CLYBL: variants seen among roughly 807,000 people sequenced by gnomAD.
CLYBL encodes citramalyl-CoA lyase, mitochondrial.
A neutral mutation model predicts 38.9 loss-of-function variants in CLYBL; 31 were observed. The observed-to-expected ratio is 0.80, with a 90% confidence interval of 0.60 to 1.08. CLYBL has a LOEUF of 1.08. Among genes scored for constraint, CLYBL ranks in the 50% least tolerant of loss-of-function variants. The probability of loss-of-function intolerance (pLI) is 0.00; values close to 1 mark genes in which losing one functional copy is unlikely to be tolerated. For missense variants in CLYBL, 434 were observed against 411.6 expected, an observed-to-expected ratio of 1.05 and a Z score of -0.47; for synonymous variants, 171 against 158.6, an observed-to-expected ratio of 1.08 and a Z score of -0.59.
At chr13:99,608,993 T>C (rs1257952507) in intron 1 of CLYBL, among the ~76,000 whole-genome samples, 1 of 151,256 alleles carries the variant, frequency 6.6e-6, no homozygotes, top group East Asian at 1.9e-4. Context: ...ACATCAAATT[T>C]GGGAAGTTTT....
chr13:99,794,581 T>TTTTTTATTATTATTATTATTATTA (rs1555308131), intron 2 of CLYBL, among the ~76,000 whole-genome samples: 2 of 143,842 alleles, frequency 1.4e-5, no homozygotes, highest in Non-Finnish European at 3.0e-5. Context: ...TATATTTTCA[T>TTTTTTATTATTATTATTATTATTA]TTATTATTAT....
chr13:99,816,144 A>G (rs901758293), intron 2 of CLYBL, among the ~76,000 whole-genome samples: 4 of 152,242 alleles, frequency 2.6e-5, no homozygotes, highest in African/African-American at 9.6e-5. Flanking sequence ...TTTCTTTTTC[A>G]CATTGTCCAG....
chr13:99,791,748 A>G (rs1052639878), intron 2 of CLYBL, among the ~76,000 whole-genome samples: 2 of 152,318 alleles, frequency 1.3e-5, no homozygotes, highest in Middle Eastern at 3.4e-3. Context: ...ATAAATAGCC[A>G]TTGTCTTAAC....
intron 1 of CLYBL, among the ~76,000 whole-genome samples, chr13:99,681,754 T>C (rs2047737701): frequency 6.6e-6 from 1 of 152,000 alleles, no homozygotes; most frequent in Non-Finnish European, 1.5e-5. Flanking sequence ...GCCTGGTTAC[T>C]TTTTGTATTT....
intron 2 of CLYBL, among the ~76,000 whole-genome samples, chr13:99,776,185 A>AAAG (rs1555304895): frequency 3.5e-5 from 5 of 143,186 alleles, no homozygotes; most frequent in African/African-American, 1.3e-4. Flanking sequence ...ACCAAAAAAC[A>AAAG]AATAATAATA....
At chr13:99,859,902 C>T (rs1192660908) in intron 3 of CLYBL, among the ~76,000 whole-genome samples, 1 of 151,942 alleles carries the variant, frequency 6.6e-6, no homozygotes, top group African/African-American at 2.4e-5. Flanking sequence ...AAACTGGAAG[C>T]GTTTGTGGTC....
intron 2 of CLYBL, among the ~76,000 whole-genome samples, chr13:99,822,503 T>A (rs957734416): frequency 2.0e-5 from 3 of 152,232 alleles, no homozygotes; most frequent in African/African-American, 7.2e-5. Flanking sequence ...AAAAGAGCCA[T>A]GCTCAACAAG....
intron 1 of CLYBL, among the ~76,000 whole-genome samples, chr13:99,629,110 G>T (rs2046908961): frequency 1.3e-5 from 2 of 152,190 alleles, no homozygotes; most frequent in African/African-American, 4.8e-5. Context: ...GGGGAACAAG[G>T]AAGTGTTTCC....
At chr13:99,754,505 C>G (rs1202190779) in intron 1 of CLYBL, among the ~76,000 whole-genome samples, 4 of 151,124 alleles carry the variant, frequency 2.6e-5, no homozygotes, top group Admixed American at 2.6e-4. Context: ...AAGCAATCCT[C>G]TCACCTCAGT....
At chr13:99,707,098 G>C (rs1344644079) in intron 1 of CLYBL, among the ~76,000 whole-genome samples, 1 of 152,114 alleles carries the variant, frequency 6.6e-6, no homozygotes, top group Non-Finnish European at 1.5e-5. Flanking sequence ...TGACTATCTG[G>C]AATGACTTTC....
intron 1 of CLYBL, among the ~76,000 whole-genome samples, chr13:99,624,831 G>A (rs934318041): frequency 4.6e-5 from 7 of 152,148 alleles, no homozygotes; most frequent in Admixed American, 1.3e-4. Context: ...GCTCAGCATC[G>A]GGAAGCTGTA....
chr13:99,662,337 G>A (rs2139335400), intron 1 of CLYBL, among the ~76,000 whole-genome samples: 1 of 152,114 alleles, frequency 6.6e-6, no homozygotes, highest in East Asian at 1.9e-4. Context: ...TTTTAAAGGA[G>A]TAGAATTTCA....
intron 7 of CLYBL, among the ~76,000 whole-genome samples, chr13:99,886,685 A>G (rs958792178): frequency 5.9e-5 from 9 of 152,238 alleles, no homozygotes; most frequent in Non-Finnish European, 8.8e-5. Context: ...CTAGGTACCC[A>G]ATGTCGTATC....
chr13:99,638,258 T>C (rs2047050161), intron 1 of CLYBL, among the ~76,000 whole-genome samples: 1 of 152,216 alleles, frequency 6.6e-6, no homozygotes, highest in South Asian at 2.1e-4. Context: ...GTGCCCAGCT[T>C]AATGATGCTA....
chr13:99,759,897 T>C (rs2049133907), intron 1 of CLYBL, among the ~76,000 whole-genome samples: 1 of 152,228 alleles, frequency 6.6e-6, no homozygotes, highest in Non-Finnish European at 1.5e-5. Flanking sequence ...TTTCATATAG[T>C]TCAGCTTAAT....
intron 3 of CLYBL, among the ~76,000 whole-genome samples, chr13:99,859,422 G>A (rs1209675178): frequency 1.3e-5 from 2 of 152,132 alleles, no homozygotes; most frequent in East Asian, 1.9e-4. Context: ...GAGCAGTGAC[G>A]TAAATGGCCC....
At chr13:99,786,710 AG>A (rs1418649542) in intron 2 of CLYBL, among the ~76,000 whole-genome samples, 6 of 152,170 alleles carry the variant, frequency 3.9e-5, no homozygotes, top group Non-Finnish European at 7.4e-5. Flanking sequence ...ATAATCCTTT[AG>A]GTATATACCC....
intron 2 of CLYBL, among the ~76,000 whole-genome samples, chr13:99,818,446 AACACACACACACACACACACACAC>A (rs57249330): frequency 2.1e-5 from 3 of 143,220 alleles, no homozygotes; most frequent in South Asian, 2.2e-4. Context: ...TGGAGCAGAA[AACACACACACACACACACACACAC>A]ACACACACAC....
chr13:99,627,287 G>C (rs1232068705), intron 1 of CLYBL, among the ~76,000 whole-genome samples: 2 of 152,014 alleles, frequency 1.3e-5, no homozygotes, highest in African/African-American at 4.8e-5. Context: ...AGAAAGCGTT[G>C]AATGTGATGA....
Sources: gnomAD v4.1 joint callset for allele counts (sites outside exome capture counted in the v4.1 genomes callset) on GRCh38, gnomAD v4.1.1 for gene constraint, MANE v1.5 for transcripts, NCBI Gene and HGNC (gene_info 2026-07-23, HGNC 2026-07-21) for gene names.